EXTL3: variants seen among roughly 807,000 people sequenced by gnomAD.
The protein encoded by EXTL3 is exostosin-like 3.
In EXTL3, 27 loss-of-function variants were observed where a neutral mutation model predicts 69.3. That is an observed-to-expected ratio of 0.39 (90% CI 0.29 to 0.54). The LOEUF (loss-of-function observed/expected upper bound fraction) is 0.54. Ranked by LOEUF, EXTL3 falls within the 20% of genes least tolerant of loss-of-function variation. EXTL3 has a pLI of 0.69. For missense variants in EXTL3, 1,003 were observed against 1,231.8 expected (o/e 0.81, Z 2.78); for synonymous variants, 511 against 499.4 (o/e 1.02, Z -0.31).
intron 1 of EXTL3, among the ~76,000 whole-genome samples, chr8:28,630,218 G>A (rs902101825): frequency 2.0e-5 from 3 of 152,182 alleles, no homozygotes; most frequent in Middle Eastern, 3.4e-3. Flanking sequence ...AGATCTGATC[G>A]TTTTATAAAG....
intron 2 of EXTL3, among the ~76,000 whole-genome samples, chr8:28,714,472 C>G (rs1310121192): frequency 6.6e-6 from 1 of 152,124 alleles, no homozygotes; most frequent in Non-Finnish European, 1.5e-5. Flanking sequence ...TCATTTTATG[C>G]TACGTGTACC....
At chr8:28,671,442 C>T (rs1342269189) in intron 1 of EXTL3, among the ~76,000 whole-genome samples, 10 of 151,536 alleles carry the variant, frequency 6.6e-5, no homozygotes, top group East Asian at 1.9e-4. Flanking sequence ...TGAGTTCAAG[C>T]GATTCTTGTG....
At chr8:28,654,301 G>C (rs1405471561) in intron 1 of EXTL3, among the ~76,000 whole-genome samples, 1 of 152,202 alleles carries the variant, frequency 6.6e-6, no homozygotes, top group Non-Finnish European at 1.5e-5. Flanking sequence ...ATGGCTTTCA[G>C]ATTCTTAGGA....
intron 1 of EXTL3, among the ~76,000 whole-genome samples, chr8:28,662,114 T>A (rs1585237596): frequency 6.6e-6 from 1 of 152,064 alleles, no homozygotes; most frequent in African/African-American, 2.4e-5. Context: ...CATTATTATT[T>A]TTTTTGATGG....
At chr8:28,672,605 C>G (rs1807314755) in intron 1 of EXTL3, among the ~76,000 whole-genome samples, 1 of 152,130 alleles carries the variant, frequency 6.6e-6, no homozygotes, top group East Asian at 1.9e-4. Flanking sequence ...TAGGAAATCT[C>G]AGGTCCCATC....
At chr8:28,631,478 G>A (rs1430640541) in intron 1 of EXTL3, 3 of 152,146 alleles carry the variant, frequency 2.0e-5, no homozygotes, top group Non-Finnish European at 2.9e-5. Context: ...TGTGCTACAG[G>A]GCAGAGGATC....
chr8:28,673,707 G>C (rs1440040338), intron 1 of EXTL3, among the ~76,000 whole-genome samples: 2 of 152,136 alleles, frequency 1.3e-5, no homozygotes, highest in African/African-American at 2.4e-5. Flanking sequence ...CTAGCTCTCT[G>C]TATCTATCTA....
chr8:28,651,206 T>C (rs902495094), intron 1 of EXTL3, among the ~76,000 whole-genome samples: 2 of 152,230 alleles, frequency 1.3e-5, no homozygotes, highest in African/African-American at 4.8e-5. Context: ...ATGCTCAATC[T>C]GTACCTTTAA....
chr8:28,725,836 T>C (rs1801400680), intron 3 of EXTL3, among the ~76,000 whole-genome samples: 1 of 152,134 alleles, frequency 6.6e-6, no homozygotes, highest in African/African-American at 2.4e-5. Context: ...TCAACAAAAA[T>C]GAGAACCTTT....
intron 1 of EXTL3, among the ~76,000 whole-genome samples, chr8:28,666,755 A>T (rs1438965962): frequency 6.6e-6 from 1 of 151,688 alleles, no homozygotes; most frequent in Non-Finnish European, 1.5e-5. Flanking sequence ...TTGTATTATT[A>T]GTAGAGATGG....
chr8:28,716,958 A>T lies in EXTL3; in HGVS notation c.899A>T (p.Gln300Leu). Reference sequence around the variant, plus strand: ...AGTACTGGCCGTGCCATGGTGGCCCAGTCCACCTTCTACACTGTCCAGTAC... The same window carrying T: ...AGTACTGGCCGTGCCATGGTGGCCCTGTCCACCTTCTACACTGTCCAGTAC... The part of the protein sequence containing the change: ...NVSTGRAMVA[Q>L]STFYTVQYRP... The change falls in exon 3 of 7, where the codon CAG becomes CTG. Residue 300 changes from glutamine to leucine, a missense_variant. Physicochemically the swap from Gln to Leu is moderately radical, Grantham distance 113. This residue lies in a region of EXTL3 where 742 missense variants were observed against 815.4 expected (regional missense o/e 0.91). Transcript: ENST00000220562. The surrounding 1 kb of genome is among the most constrained non-coding windows in gnomAD (Gnocchi z 7.1). 6.2e-7 allele frequency: 1 copy of T among 1,614,220 alleles called. No homozygotes were observed. The highest frequency in any genetic ancestry group is 8.5e-7 in the Non-Finnish European group (1 of 1,180,026).
At chr8:28,684,834 A>G (rs542671601) in intron 1 of EXTL3, among the ~76,000 whole-genome samples, 1 of 152,324 alleles carries the variant, frequency 6.6e-6, no homozygotes, top group African/African-American at 2.4e-5. Flanking sequence ...AGATTTATCA[A>G]TTGTTAAAAT....
intron 1 of EXTL3, among the ~76,000 whole-genome samples, chr8:28,642,644 A>G (rs1167885485): frequency 1.3e-5 from 2 of 152,006 alleles, no homozygotes; most frequent in Non-Finnish European, 2.9e-5. Flanking sequence ...TAAGGAAACC[A>G]AAAGTGGAAC....
At position 28,652,008 on chromosome 8, in the gene EXTL3, G is replaced by A. The variant is rs571033120; in HGVS notation, c.-53+29198G>A. 4.0e-4 allele frequency among the ~76,000 whole-genome samples: 60 copies of A among 149,136 alleles called. 3 individuals are homozygous for A. The South Asian group carries it at 0.011, about 28-fold the overall frequency. ...GCATGCATCAGAGCTTAATTTTGAC[G>A]GCTGAATAATATTCCATTGTGTGTG... is the stretch of plus-strand genomic sequence containing the variant. On this transcript the variant is annotated intron_variant, in intron 1 of 6. Coordinates refer to the EXTL3 transcript ENST00000523149.
At chr8:28,691,571 G>GTTTTTTTTTTTTTTTTTTTT (rs1800612428) in intron 1 of EXTL3, among the ~76,000 whole-genome samples, 1 of 66,006 alleles carries the variant, frequency 1.5e-5, no homozygotes, top group African/African-American at 8.5e-5. Context: ...CAGTTTTTGT[G>GTTTTTTTTTTTTTTTTTTTT]ATTTTTTTTT....
chr8:28,651,933 G>C (rs530019844), intron 1 of EXTL3, among the ~76,000 whole-genome samples: 1 of 152,084 alleles, frequency 6.6e-6, no homozygotes, highest in Non-Finnish European at 1.5e-5. Flanking sequence ...TGGTCCTTTT[G>C]TGTCTAGCCT....
upstream of EXTL3, among the ~76,000 whole-genome samples, chr8:28,618,066 T>G (rs1213262590): frequency 6.6e-6 from 1 of 152,186 alleles, no homozygotes; most frequent in African/African-American, 2.4e-5. Flanking sequence ...GAAATAGTGT[T>G]GATGGTTGCC....
chr8:28,702,625 ACT>A lies in EXTL3; in HGVS notation c.-570+969_-570+970del, dbSNP rs372256704. ...CTGGATTTTTCTTCCCTTTTTAAAAACTCTAAAAGCTTCATCAAGTCCTCTTG... is the reference window on the plus strand; with the variant it reads ...CTGGATTTTTCTTCCCTTTTTAAAAACTAAAAGCTTCATCAAGTCCTCTTG... On this transcript the variant is annotated intron_variant, in intron 1 of 6. Transcript: ENST00000220562. Among the ~76,000 whole-genome samples the A allele has an allele frequency of 5.7e-3, 839 of 147,088 alleles. 9 individuals carry two copies. The highest frequency in any genetic ancestry group is 0.02 in the African/African-American group (793 of 39,600).
chr8:28,646,721 G>A (rs1391430444), intron 1 of EXTL3, among the ~76,000 whole-genome samples: 1 of 152,186 alleles, frequency 6.6e-6, no homozygotes. Context: ...GGGTTCACAT[G>A]CCAGCTTAGC....
Sources: allele counts gnomAD v4.1 joint callset (sites outside exome capture counted in the v4.1 genomes callset), GRCh38; gene constraint gnomAD v4.1.1; regional missense constraint gnomAD v4.1.1; non-coding constraint Gnocchi (gnomAD v3.1); transcripts MANE v1.5; gene names NCBI Gene and HGNC (gene_info 2026-07-23, HGNC 2026-07-21).